The following TRAF3IP1 variants were observed in gnomAD, a reference collection of about 807,000 sequenced individuals.
TRAF3IP1 encodes the protein TRAF3-interacting protein 1.
In TRAF3IP1, 53 loss-of-function variants were observed where a neutral mutation model predicts 89.9. That is an observed-to-expected ratio of 0.59 (90% CI 0.47 to 0.74). The LOEUF (loss-of-function observed/expected upper bound fraction) is 0.74. Among genes scored for constraint, TRAF3IP1 ranks in the 30% least tolerant of loss-of-function variants. The pLI, the probability that TRAF3IP1 is intolerant of heterozygous loss-of-function variation, is 0.00. For missense variants in TRAF3IP1, 806 were observed against 866.1 expected, an observed-to-expected ratio of 0.93 and a Z score of 0.87; for synonymous variants, 311 against 322.1, an observed-to-expected ratio of 0.97 and a Z score of 0.37.
intron 15 of TRAF3IP1, among the ~76,000 whole-genome samples, chr2:238,359,380 C>A (rs747163672): frequency 6.6e-6 from 1 of 152,176 alleles, no homozygotes; most frequent in African/African-American, 2.4e-5. Flanking sequence ...ACGCCCCAAC[C>A]CCAGCAGCCA....
intron 15 of TRAF3IP1, among the ~76,000 whole-genome samples, chr2:238,380,892 A>G (rs1047798209): frequency 6.6e-6 from 1 of 152,220 alleles, no homozygotes; most frequent in African/African-American, 2.4e-5. Flanking sequence ...TGCTGTAGCC[A>G]TAAAACAAAG....
intron 15 of TRAF3IP1, among the ~76,000 whole-genome samples, chr2:238,366,850 G>A (rs960071852): frequency 2.6e-5 from 4 of 152,120 alleles, no homozygotes; most frequent in Admixed American, 2.6e-4. Flanking sequence ...AGGGAATGAT[G>A]TTGTGTTAGC....
Position 238,351,866 on chromosome 2 carries a change from T to TGTGTGTGTGC in TRAF3IP1, c.1452-960_1452-959insTGTGTGTGCG, listed in dbSNP as rs1421537563. Among the ~76,000 whole-genome samples, 823 of 128,152 alleles carry TGTGTGTGTGC rather than the reference T, an allele frequency of 6.4e-3. 6 individuals carry two copies. The highest frequency in any genetic ancestry group is 0.027 in the African/African-American group (784 of 29,390). The allele number at this position is 128,152 out of a possible 152,430, so 84.1% of individuals were successfully genotyped here. The stretch of plus-strand genomic sequence containing the variant: ...GTGTGTGTGTGTGTGTGTGTGTGTG[T>TGTGTGTGTGC]GCGCGCGCGCGCGTGTGCGTGCATG... On this transcript the variant is annotated intron_variant, in intron 12 of 16. Transcript: ENST00000373327. The surrounding 1 kb of genome is among the most constrained non-coding windows in gnomAD (Gnocchi z 5.2).
At chr2:238,344,888 G>A (rs55764347) in intron 9 of TRAF3IP1, among the ~76,000 whole-genome samples, 9,014 of 152,142 alleles carry the variant, frequency 0.059, 380 homozygotes, top group Non-Finnish European at 0.081. Flanking sequence ...AAGTTTCGGG[G>A]TCACTACTTG....
rs375451799 is a variant in TRAF3IP1, at chr2:238,334,051, T to C, written c.1063+16T>C. 2.4e-4 allele frequency: 380 copies of C among 1,585,552 alleles called. 1 individual carries two copies. Among genetic ancestry groups the C allele is most frequent in the Middle Eastern group, 1.8e-3 (11 of 5,962 alleles). The stretch of plus-strand genomic sequence containing the variant: ...TCAGTGGAAGGTACTGCAAAACTTA[T>C]ATATGTAGCTGAAAATATGGATATT... On this transcript the variant is annotated intron_variant, in intron 7 of 16. Coordinates refer to ENST00000373327, the MANE Select transcript of TRAF3IP1 (RefSeq NM_015650.4).
chr2:238,321,097 GC>G (rs1697513029), intron 1 of TRAF3IP1, among the ~76,000 whole-genome samples: 1 of 152,186 alleles, frequency 6.6e-6, no homozygotes, highest in Non-Finnish European at 1.5e-5. Flanking sequence ...CGGCCTGTAG[GC>G]CCAATTCCGC....
At chr2:238,335,340 G>T (rs971401242) in intron 7 of TRAF3IP1, among the ~76,000 whole-genome samples, 7 of 152,080 alleles carry the variant, frequency 4.6e-5, no homozygotes, top group Non-Finnish European at 1.5e-5. Flanking sequence ...TATTTTGTCA[G>T]AATAATCCAT....
At chr2:238,332,363 C>G (rs750983529) in intron 5 of TRAF3IP1, among the ~76,000 whole-genome samples, 4 of 152,132 alleles carry the variant, frequency 2.6e-5, no homozygotes, top group Non-Finnish European at 4.4e-5. Flanking sequence ...AAGTCTGAAG[C>G]CTTTGCGTAA....
At chr2:238,328,595 A>G in intron 3 of TRAF3IP1, 91 bp from the exon 4 acceptor site, 3 of 1,438,518 alleles carry the variant, frequency 2.1e-6, no homozygotes, top group South Asian at 2.7e-5. Flanking sequence ...AATCTGTCTC[A>G]TGAGCTATCT....
chr2:238,330,705 T>A (rs1201783691), intron 5 of TRAF3IP1, among the ~76,000 whole-genome samples: 1 of 152,070 alleles, frequency 6.6e-6, no homozygotes, highest in African/African-American at 2.4e-5. Flanking sequence ...CCTGTGGGGG[T>A]CAGTATAAGC....
At chr2:238,387,594 G>A (rs566939913) in intron 15 of TRAF3IP1, among the ~76,000 whole-genome samples, 5 of 152,274 alleles carry the variant, frequency 3.3e-5, no homozygotes, top group South Asian at 2.1e-4. Flanking sequence ...CGACAGTCAC[G>A]TGCTCATCTC....
intron 15 of TRAF3IP1, among the ~76,000 whole-genome samples, chr2:238,393,330 A>T (rs1336830603): frequency 6.6e-6 from 1 of 152,168 alleles, no homozygotes; most frequent in Non-Finnish European, 1.5e-5. Flanking sequence ...GGCCATCCTT[A>T]TATCTTCTTC....
chr2:238,387,529 TA>T (rs1463080249), intron 15 of TRAF3IP1, among the ~76,000 whole-genome samples: 1 of 152,222 alleles, frequency 6.6e-6, no homozygotes, highest in Non-Finnish European at 1.5e-5. Flanking sequence ...CATTACATCA[TA>T]AAGTTGAGAA....
chr2:238,396,899 C>G (rs1359508881), intron 15 of TRAF3IP1, among the ~76,000 whole-genome samples: 1 of 152,172 alleles, frequency 6.6e-6, no homozygotes, highest in African/African-American at 2.4e-5. Context: ...CTGCTGGCTG[C>G]TGCTGGCGCT....
intron 3 of TRAF3IP1, among the ~76,000 whole-genome samples, chr2:238,328,261 T>TG (rs1697937702): frequency 6.6e-6 from 1 of 150,380 alleles, no homozygotes. Context: ...GTTTTGTGTG[T>TG]TTTTTTTTAG....
At chr2:238,353,647 C>T (rs1378223137) in intron 14 of TRAF3IP1, among the ~76,000 whole-genome samples, 1 of 152,192 alleles carries the variant, frequency 6.6e-6, no homozygotes, top group Non-Finnish European at 1.5e-5. Context: ...GCAGAAGAGG[C>T]AGGCTGAGTA....
At chr2:238,396,171 T>C (rs995272444) in intron 15 of TRAF3IP1, among the ~76,000 whole-genome samples, 3 of 152,044 alleles carry the variant, frequency 2.0e-5, no homozygotes, top group Admixed American at 6.6e-5. Flanking sequence ...AAATGTGGCA[T>C]ATATACACCA....
chr2:238,321,348 G>A (rs1240047765), intron 1 of TRAF3IP1, among the ~76,000 whole-genome samples: 1 of 152,184 alleles, frequency 6.6e-6, no homozygotes, highest in Non-Finnish European at 1.5e-5. Context: ...CTAAATCCTG[G>A]GAGAATGGAA....
intron 15 of TRAF3IP1, among the ~76,000 whole-genome samples, chr2:238,358,776 C>T (rs890348009): frequency 1.3e-5 from 2 of 152,152 alleles, no homozygotes; most frequent in Non-Finnish European, 2.9e-5. Flanking sequence ...TTAATTGAAG[C>T]CTTATAGTCC....
Sources: gnomAD v4.1 joint callset for allele counts (sites outside exome capture counted in the v4.1 genomes callset) on GRCh38, gnomAD v4.1.1 for gene constraint, Gnocchi (gnomAD v3.1) non-coding constraint, MANE v1.5 for transcripts, NCBI Gene and HGNC (gene_info 2026-07-23, HGNC 2026-07-21) for gene names.